RGS20: variants seen among roughly 807,000 people sequenced by gnomAD.
The protein encoded by RGS20 is gz-selective GTPase-activating protein.
A neutral mutation model predicts 33.6 loss-of-function variants in RGS20; 30 were observed. That is an observed-to-expected ratio of 0.89 (90% CI 0.67 to 1.21). The LOEUF (loss-of-function observed/expected upper bound fraction) is 1.21, where lower values mean the gene tolerates loss of function less well. Ranked by LOEUF, RGS20 falls within the 50% of genes most tolerant of loss-of-function variation. RGS20 has a pLI of 0.00. For synonymous variants in RGS20, 208 were observed against 197.9 expected (o/e 1.05, Z -0.43); for missense variants, 472 against 502.4 (o/e 0.94, Z 0.58).
In RGS20 at chr8:53,939,719, C is replaced by G. The variant is rs1814236350; in HGVS notation, c.654C>G (p.Cys218Trp). The G allele has an allele frequency of 6.4e-7, 1 of 1,554,764 alleles. No individual in the cohort carries two copies. The highest frequency in any genetic ancestry group is 2.4e-5 in the East Asian group (1 of 41,712). ...TCTGCTGGTGCTGCTGTTGTAGCTG[C>G]TCGTGGTAAGGTTTGGGGCTTTTTA... Residue 218 changes from cysteine (C) to tryptophan (W), a missense_variant, in exon 3 of 6, where the codon TGC becomes TGG. Physicochemically the swap from Cys to Trp is radical, Grantham distance 215. Around this residue, in one of 3 missense-constraint regions of RGS20, gnomAD observed 319 missense variants for 283.4 expected, o/e 1.13. Transcript: ENST00000297313.
At chr8:53,908,526 G>C (rs1813246610) in intron 2 of RGS20, among the ~76,000 whole-genome samples, 1 of 152,094 alleles carries the variant, frequency 6.6e-6, no homozygotes, top group African/African-American at 2.4e-5. Context: ...TGTAATCCCA[G>C]CTACTCGGGA....
At position 53,871,512 on chromosome 8, in the gene RGS20, G is replaced by C. The variant is rs545291504; in HGVS notation, c.166-7746G>C. Reference sequence around the variant, plus strand: ...GGTGTCTGTAATCCCACCTACTTAGGAAGCTGAGGCAGGAGAATCGCTTGA... The same window carrying C: ...GGTGTCTGTAATCCCACCTACTTAGCAAGCTGAGGCAGGAGAATCGCTTGA... On this transcript the variant is annotated intron_variant, in intron 1 of 5. Transcript: ENST00000297313. Among the ~76,000 whole-genome samples the C allele has an allele frequency of 3.9e-5, 6 of 152,080 alleles. No homozygotes were observed. The East Asian group carries it at 1.2e-3, about 30-fold the overall frequency.
intron 2 of RGS20, among the ~76,000 whole-genome samples, chr8:53,886,118 G>A (rs1812540178): frequency 1.3e-5 from 2 of 152,264 alleles, no homozygotes; most frequent in East Asian, 1.9e-4. Flanking sequence ...AACTAATAGG[G>A]CTCACTCTGA....
chr8:53,908,175 C>T (rs1353092554), intron 2 of RGS20, among the ~76,000 whole-genome samples: 1 of 152,036 alleles, frequency 6.6e-6, no homozygotes, highest in Non-Finnish European at 1.5e-5. Flanking sequence ...GTGATTAACT[C>T]TTAGAAATGT....
chr8:53,882,337 G>A (rs1175262010), intron 2 of RGS20, among the ~76,000 whole-genome samples: 1 of 152,172 alleles, frequency 6.6e-6, no homozygotes. Context: ...TGCATCGTGA[G>A]CTTCCCGGAC....
intron 3 of RGS20, among the ~76,000 whole-genome samples, chr8:53,941,372 C>T (rs1385344894): frequency 2.6e-5 from 4 of 151,970 alleles, no homozygotes; most frequent in African/African-American, 2.4e-5. Flanking sequence ...CTCAGACATA[C>T]GAAGGCCAAC....
At chr8:53,905,348 G>A (rs1813135079) in intron 2 of RGS20, among the ~76,000 whole-genome samples, 1 of 152,208 alleles carries the variant, frequency 6.6e-6, no homozygotes. Context: ...CTACTAAACT[G>A]TTGGCTTTCT....
intron 1 of RGS20, among the ~76,000 whole-genome samples, chr8:53,871,010 C>T (rs1017204921): frequency 7.0e-6 from 1 of 142,234 alleles, no homozygotes. Flanking sequence ...ACTCAGGAGG[C>T]TGAGACAGGA....
Position 53,852,056 on chromosome 8 carries a change from G to A in RGS20, c.157G>A (p.Asp53Asn). ...TGAAGGAGACCTCAGGGCTGTTCCT[G>A]ATATCAAGGTAAGGTGATTTCCACA... Residue 53 changes from aspartate (D) to asparagine (N), a missense_variant, in exon 1 of 6, where the codon GAT becomes AAT. By Grantham distance (23) the Asp-to-Asn change is conservative. Transcript: ENST00000297313. 1 of 1,610,130 alleles carries A rather than the reference G, an allele frequency of 6.2e-7. No individual in the cohort carries two copies. The highest frequency in any genetic ancestry group is 8.5e-7 in the Non-Finnish European group (1 of 1,177,676).
rs1563330458 is a variant in RGS20 at position 53,851,931 on chromosome 8, G to A, written c.32G>A (p.Cys11Tyr). The A allele has an allele frequency of 1.2e-6, 2 of 1,614,066 alleles. No homozygotes were observed. Among genetic ancestry groups the A allele is most frequent in the Non-Finnish European group, 1.7e-6 (2 of 1,179,986 alleles). The stretch of plus-strand genomic sequence containing the variant: ...CAGCTTTCCCAAGATAACCAAGAGT[G>A]CCTCCAGAAACATTTCTCCAGGCCG... The change falls in exon 1 of 6, where the codon TGC becomes TAC. Residue 11 changes from cysteine to tyrosine, a missense_variant. Transcript: ENST00000297313.
intron 2 of RGS20, among the ~76,000 whole-genome samples, chr8:53,897,460 C>G (rs746240356): frequency 3.3e-5 from 5 of 152,206 alleles, no homozygotes; most frequent in Admixed American, 6.5e-5. Flanking sequence ...TCATTAAAGA[C>G]AGTTCAAATA....
At chr8:53,943,687 C>G (rs1814374339) in intron 3 of RGS20, among the ~76,000 whole-genome samples, 1 of 152,130 alleles carries the variant, frequency 6.6e-6, no homozygotes, top group African/African-American at 2.4e-5. Flanking sequence ...TATATCAAAG[C>G]TGAAATAAGT....
rs576246112 is a variant in RGS20 at position 53,918,436 on chromosome 8, C to G, written c.511-21140C>G. ...GGAGCTTTGCTCTTGTTGCCCGGGC[C>G]GAAGTACAATGGTGCAATCTCAGCT... is the stretch of plus-strand genomic sequence containing the variant. On this transcript the variant is annotated intron_variant, in intron 2 of 5. Transcript: ENST00000297313. 2.0e-5 allele frequency among the ~76,000 whole-genome samples: 3 copies of G among 149,980 alleles called. No homozygotes were observed. In the South Asian group the frequency reaches 6.3e-4, roughly 31 times the overall value.
At chr8:53,897,790 C>T (rs1032150803) in intron 2 of RGS20, among the ~76,000 whole-genome samples, 31 of 152,204 alleles carry the variant, frequency 2.0e-4, no homozygotes, top group African/African-American at 7.5e-4. Flanking sequence ...AGAGGTTAGA[C>T]TCAAAGGCTC....
At chr8:53,911,406 T>C (rs757881908) in intron 2 of RGS20, among the ~76,000 whole-genome samples, 1 of 152,160 alleles carries the variant, frequency 6.6e-6, no homozygotes, top group Non-Finnish European at 1.5e-5. Context: ...GATAAGAGGA[T>C]AGAAAAGCCC....
chr8:53,900,104 T>C (rs1812969984), intron 2 of RGS20, among the ~76,000 whole-genome samples: 1 of 152,168 alleles, frequency 6.6e-6, no homozygotes, highest in African/African-American at 2.4e-5. Context: ...GGTGGGTAAA[T>C]GGGGTCCCTG....
chr8:53,934,162 T>C lies in RGS20; in HGVS notation c.511-5414T>C, dbSNP rs570450086. Among the ~76,000 whole-genome samples the C allele has an allele frequency of 1.1e-3, 175 of 152,226 alleles. 1 individual carries two copies. Among genetic ancestry groups the C allele is most frequent in the African/African-American group, 4.0e-3 (167 of 41,546 alleles). Reference sequence around the variant, plus strand: ...TCAGCCACTACAAAAATGTACCAAATTGTAAAGACCATCAACACTATGAAG... The same window carrying C: ...TCAGCCACTACAAAAATGTACCAAACTGTAAAGACCATCAACACTATGAAG... On this transcript the variant is annotated intron_variant, in intron 2 of 5. Coordinates refer to ENST00000297313, the MANE Select transcript of RGS20 (RefSeq NM_170587.4).
intron 1 of RGS20, among the ~76,000 whole-genome samples, chr8:53,865,833 C>T (rs959537408): frequency 6.6e-6 from 1 of 152,196 alleles, no homozygotes; most frequent in African/African-American, 2.4e-5. Flanking sequence ...GTCTTGAACT[C>T]CTGGCCTCAA....
intron 2 of RGS20, among the ~76,000 whole-genome samples, chr8:53,908,046 C>T (rs966533214): frequency 3.9e-5 from 6 of 152,208 alleles, no homozygotes; most frequent in East Asian, 1.9e-4. Flanking sequence ...AGCTGCCTGA[C>T]GCATTCATGA....
Sources: gnomAD v4.1 joint callset for allele counts (sites outside exome capture counted in the v4.1 genomes callset) on GRCh38, gnomAD v4.1.1 for gene constraint, gnomAD v4.1.1 regional missense constraint, MANE v1.5 for transcripts, NCBI Gene and HGNC (gene_info 2026-07-23, HGNC 2026-07-21) for gene names.